SGCZ: variants seen among roughly 807,000 people sequenced by gnomAD.
The protein encoded by SGCZ is sarcoglycan zeta, also known as zeta-sarcoglycan.
Under a neutral mutation model 41.3 loss-of-function variants are expected in SGCZ, and 40 were observed. That is an observed-to-expected ratio of 0.97 (90% CI 0.75 to 1.26). The LOEUF (loss-of-function observed/expected upper bound fraction) is 1.26, where lower values mean the gene tolerates loss of function less well. SGCZ is among the 50% of genes most tolerant of loss of function. The pLI is 0.00. For synonymous variants in SGCZ, 206 were observed against 137.5 expected, an observed-to-expected ratio of 1.50 and a Z score of -3.49; for missense variants, 552 against 369.8, an observed-to-expected ratio of 1.49 and a Z score of -4.04.
At chr8:14,582,957 C>T (rs184341371) in intron 1 of SGCZ, among the ~76,000 whole-genome samples, 2,213 of 151,764 alleles carry the variant, frequency 0.015, 34 homozygotes, top group East Asian at 0.059. Flanking sequence ...TGAATAGTGC[C>T]GCAATAAAAA....
chr8:15,137,494 A>G (rs1002231701), intron 1 of SGCZ, among the ~76,000 whole-genome samples: 1 of 152,136 alleles, frequency 6.6e-6, no homozygotes, highest in Non-Finnish European at 1.5e-5. Context: ...CACAGGCCCT[A>G]AGGTTGAAAA....
At chr8:14,306,800 T>A (rs6993950) in intron 3 of SGCZ, among the ~76,000 whole-genome samples, 1 of 152,218 alleles carries the variant, frequency 6.6e-6, no homozygotes, top group Non-Finnish European at 1.5e-5. Flanking sequence ...AGTATTAAAT[T>A]CAGGAAAACT....
intron 2 of SGCZ, among the ~76,000 whole-genome samples, chr8:14,550,865 T>G (rs1290113016): frequency 6.6e-6 from 1 of 152,082 alleles, no homozygotes; most frequent in Non-Finnish European, 1.5e-5. Flanking sequence ...AATGTACAGA[T>G]AGTTGTTCTA....
chr8:14,763,026 A>G (rs1667644417), intron 1 of SGCZ, among the ~76,000 whole-genome samples: 1 of 152,236 alleles, frequency 6.6e-6, no homozygotes, highest in Non-Finnish European at 1.5e-5. Context: ...GTACATAAAT[A>G]TCATACGTCC....
chr8:14,618,463 T>C (rs1806178583), intron 1 of SGCZ, among the ~76,000 whole-genome samples: 1 of 152,170 alleles, frequency 6.6e-6, no homozygotes, highest in African/African-American at 2.4e-5. Flanking sequence ...GAAACAATCC[T>C]GGCATATTCC....
chr8:15,181,175 G>GA (rs1217764447), intron 1 of SGCZ, among the ~76,000 whole-genome samples: 1 of 151,998 alleles, frequency 6.6e-6, no homozygotes, highest in Non-Finnish European at 1.5e-5. Flanking sequence ...ATTTTTACAG[G>GA]AAAAATGTTT....
At chr8:14,911,477 T>A (rs531397146) in intron 1 of SGCZ, among the ~76,000 whole-genome samples, 14 of 152,050 alleles carry the variant, frequency 9.2e-5, no homozygotes, top group Non-Finnish European at 1.9e-4. Flanking sequence ...ATATATAGCT[T>A]CGTGTCAGCC....
chr8:15,150,153 T>A (rs969687557), intron 1 of SGCZ, among the ~76,000 whole-genome samples: 3 of 152,222 alleles, frequency 2.0e-5, no homozygotes, highest in African/African-American at 7.2e-5. Context: ...ATTTATCTAT[T>A]GTCTGGATAT....
intron 1 of SGCZ, among the ~76,000 whole-genome samples, chr8:15,049,204 T>G (rs2130990410): frequency 6.6e-6 from 1 of 152,280 alleles, no homozygotes; most frequent in Admixed American, 6.5e-5. Flanking sequence ...TTGTAAGGGA[T>G]AAGCTTTGGC....
At chr8:15,109,492 G>C (rs932015835) in intron 1 of SGCZ, among the ~76,000 whole-genome samples, 2 of 152,076 alleles carry the variant, frequency 1.3e-5, no homozygotes, top group African/African-American at 4.8e-5. Flanking sequence ...AATGTTGAGA[G>C]TATAGTTATT....
chr8:15,168,318 C>T (rs773757131), intron 1 of SGCZ, among the ~76,000 whole-genome samples: 2 of 152,190 alleles, frequency 1.3e-5, no homozygotes, highest in Admixed American at 1.3e-4. Context: ...CAACCCCAGG[C>T]TTCCTGTTTC....
intron 2 of SGCZ, among the ~76,000 whole-genome samples, chr8:14,350,919 A>G (rs73518232): frequency 0.057 from 8,622 of 152,198 alleles, 714 homozygotes; most frequent in African/African-American, 0.18. Context: ...TGCTTTAAAT[A>G]TATTCACTGC....
At chr8:14,817,758 T>G (rs900473541) in intron 1 of SGCZ, among the ~76,000 whole-genome samples, 2 of 152,196 alleles carry the variant, frequency 1.3e-5, no homozygotes, top group Non-Finnish European at 2.9e-5. Flanking sequence ...CTTGCCCATG[T>G]GCGCTCATTG....
intron 2 of SGCZ, among the ~76,000 whole-genome samples, chr8:14,478,607 G>C (rs1288542742): frequency 6.6e-6 from 1 of 152,146 alleles, no homozygotes; most frequent in Non-Finnish European, 1.5e-5. Context: ...TGTAACTATG[G>C]ATATTGTGTT....
intron 2 of SGCZ, among the ~76,000 whole-genome samples, chr8:14,327,587 G>C (rs1041999222): frequency 1.3e-5 from 2 of 152,154 alleles, no homozygotes; most frequent in African/African-American, 4.8e-5. Flanking sequence ...GAGATGGCTG[G>C]AAATAAGAGG....
intron 1 of SGCZ, among the ~76,000 whole-genome samples, chr8:15,061,529 A>ATAT (rs1554548939): frequency 1.6e-5 from 2 of 123,446 alleles, no homozygotes; most frequent in African/African-American, 7.3e-5. Flanking sequence ...CTTACAGTAT[A>ATAT]TAAAAAAAAA....
At chr8:14,120,872 T>C (rs1802676242) in intron 5 of SGCZ, among the ~76,000 whole-genome samples, 1 of 152,098 alleles carries the variant, frequency 6.6e-6, no homozygotes, top group Non-Finnish European at 1.5e-5. Context: ...TTTGAATAAA[T>C]TTAATGCAAT....
intron 3 of SGCZ, among the ~76,000 whole-genome samples, chr8:14,316,664 G>C (rs1801725831): frequency 6.6e-6 from 1 of 151,680 alleles, no homozygotes; most frequent in Admixed American, 6.6e-5. Context: ...ACCTCTCACT[G>C]GCCTTTGTGT....
chr8:15,136,846 T>C (rs1186144096), intron 1 of SGCZ, among the ~76,000 whole-genome samples: 1 of 152,100 alleles, frequency 6.6e-6, no homozygotes, highest in Non-Finnish European at 1.5e-5. Flanking sequence ...ATCCAGTAAA[T>C]TGGTACTGGT....
Sources: allele counts gnomAD v4.1 joint callset (sites outside exome capture counted in the v4.1 genomes callset), GRCh38; gene constraint gnomAD v4.1.1; transcripts MANE v1.5; gene names NCBI Gene and HGNC (gene_info 2026-07-23, HGNC 2026-07-21).